The following NTRK2 variants were observed in gnomAD, a reference collection of about 807,000 sequenced individuals.
NTRK2 encodes the protein BDNF/NT-3 growth factors receptor.
A neutral mutation model predicts 94.5 loss-of-function variants in NTRK2; 13 were observed. The observed-to-expected ratio is 0.14, with a 90% CI of 0.09 to 0.22. NTRK2 has a LOEUF of 0.22. Ranked by LOEUF, NTRK2 falls within the 10% of genes least tolerant of loss-of-function variation. The probability of loss-of-function intolerance (pLI) is 1.00; values close to 1 mark genes in which losing one functional copy is unlikely to be tolerated. For missense variants in NTRK2, 639 were observed against 1,071.2 expected (o/e 0.60, Z 5.63); for synonymous variants, 372 against 407.4 (o/e 0.91, Z 1.05).
intron 12 of NTRK2, among the ~76,000 whole-genome samples, chr9:84,756,916 T>C (rs1247665589): frequency 6.6e-4 from 101 of 152,192 alleles, no homozygotes; most frequent in Non-Finnish European, 5.9e-5. Context: ...TGTCTTTCAA[T>C]AGCAACCAAA....
chr9:84,792,029 A>AT (rs1403558069), intron 12 of NTRK2, among the ~76,000 whole-genome samples: 3 of 152,206 alleles, frequency 2.0e-5, no homozygotes, highest in African/African-American at 7.2e-5. Flanking sequence ...CCCAGTTTTC[A>AT]TCATGGAATG....
At chr9:84,741,977 A>G (rs1192829790) in intron 10 of NTRK2, 50 bp downstream of exon 10, 3 of 1,483,684 alleles carry the variant, frequency 2.0e-6, no homozygotes, top group Middle Eastern at 3.8e-4. Flanking sequence ...ATGTTTGTGT[A>G]TCATGAAGTA....
In NTRK2 at chr9:85,024,071, A is replaced by G. The variant is rs1438057621; in HGVS notation, c.*2634A>G. The G allele has an allele frequency of 4.4e-6, 1 of 229,054 alleles. No individual in the cohort carries two copies. Among genetic ancestry groups the G allele is most frequent in the Non-Finnish European group, 8.7e-6 (1 of 115,520 alleles). The allele number at this position is 229,054 out of a possible 1,614,324, so 14.2% of individuals were successfully genotyped here. A position where few individuals can be genotyped will look rare whatever the true frequency, so the allele number is the denominator to read the frequency against. On this transcript the variant is annotated 3_prime_UTR_variant, in exon 19 of 19. Transcript: ENST00000277120. The stretch of plus-strand genomic sequence containing the variant: ...ACAAGTCCCTAAAGGTCTTGAAATA[A>G]AAGGTTCTATGCAAGTGCAAAGTTT...
At chr9:84,836,773 G>T (rs1034732455) in intron 12 of NTRK2, among the ~76,000 whole-genome samples, 6 of 149,404 alleles carry the variant, frequency 4.0e-5, no homozygotes, top group Admixed American at 1.3e-4. Flanking sequence ...ATATTTCTGC[G>T]GTGGCACTGA....
intron 9 of NTRK2, 114 bp from the exon 10 acceptor site, chr9:84,741,778 C>A: frequency 1.2e-6 from 1 of 823,600 alleles, no homozygotes; most frequent in East Asian, 2.6e-5. Context: ...TGAAAGCAGT[C>A]TATTAAATTG....
chr9:84,977,100 C>T (rs1396883101), intron 17 of NTRK2, among the ~76,000 whole-genome samples: 1 of 152,168 alleles, frequency 6.6e-6, no homozygotes, highest in Non-Finnish European at 1.5e-5. Context: ...GGAATAGGCT[C>T]CTGTAAACCC....
chr9:84,721,154 G>T (rs2062034050), intron 6 of NTRK2, among the ~76,000 whole-genome samples: 1 of 151,062 alleles, frequency 6.6e-6, no homozygotes, highest in Admixed American at 6.6e-5. Flanking sequence ...AGTAAGGCTT[G>T]CATACTCATA....
chr9:84,938,793 G>A (rs1230036034), intron 15 of NTRK2, among the ~76,000 whole-genome samples: 1 of 152,118 alleles, frequency 6.6e-6, no homozygotes, highest in Non-Finnish European at 1.5e-5. Context: ...GCTCATGCCT[G>A]TAATCCCTGC....
chr9:84,799,419 A>G (rs575232280), intron 12 of NTRK2, among the ~76,000 whole-genome samples: 43 of 152,336 alleles, frequency 2.8e-4, no homozygotes, highest in African/African-American at 9.1e-4. Flanking sequence ...TAAAAAACAA[A>G]CAAGCAAACA....
At chr9:84,795,752 C>T (rs192891091) in intron 12 of NTRK2, among the ~76,000 whole-genome samples, 9 of 152,248 alleles carry the variant, frequency 5.9e-5, no homozygotes, top group Non-Finnish European at 1.3e-4. Flanking sequence ...TCTCCTCTCC[C>T]GGACCCCAAA....
At chr9:84,901,622 T>C (rs2076932588) in intron 14 of NTRK2, among the ~76,000 whole-genome samples, 1 of 152,184 alleles carries the variant, frequency 6.6e-6, no homozygotes, top group Non-Finnish European at 1.5e-5. Flanking sequence ...CCTCAAGTTA[T>C]TGTGAAGAGC....
intron 12 of NTRK2, among the ~76,000 whole-genome samples, chr9:84,808,095 A>T (rs1016081720): frequency 6.6e-6 from 1 of 152,198 alleles, no homozygotes; most frequent in Admixed American, 6.5e-5. Context: ...ATGGATCACA[A>T]AAGGCAAGCA....
intron 6 of NTRK2, among the ~76,000 whole-genome samples, chr9:84,720,894 ACTC>A (rs2062016660): frequency 6.6e-6 from 1 of 152,076 alleles, no homozygotes; most frequent in Non-Finnish European, 1.5e-5. Flanking sequence ...ATCTAAAAAA[ACTC>A]CTTGCAAATA....
chr9:84,798,515 T>C (rs1297226051), intron 12 of NTRK2, among the ~76,000 whole-genome samples: 1 of 152,200 alleles, frequency 6.6e-6, no homozygotes, highest in East Asian at 1.9e-4. Context: ...TGCCCTTGGC[T>C]GGCCCTGTGC....
chr9:84,998,546 T>C (rs2133383179), intron 17 of NTRK2, among the ~76,000 whole-genome samples: 1 of 152,354 alleles, frequency 6.6e-6, no homozygotes, highest in South Asian at 2.1e-4. Context: ...AAGGCATACA[T>C]GCTTTGCCTC....
At chr9:84,943,003 T>C (rs1310883522) in intron 15 of NTRK2, among the ~76,000 whole-genome samples, 1 of 152,230 alleles carries the variant, frequency 6.6e-6, no homozygotes, top group Non-Finnish European at 1.5e-5. Flanking sequence ...TTGGGAGTTT[T>C]TAAATTTCCC....
chr9:84,907,914 G>A (rs139945124), intron 14 of NTRK2, among the ~76,000 whole-genome samples: 40 of 152,262 alleles, frequency 2.6e-4, no homozygotes, highest in African/African-American at 8.9e-4. Context: ...TGCCTCTTGT[G>A]TTCTCTGTTG....
In NTRK2 at chr9:85,025,070, T is replaced by G; in HGVS notation, c.*3633T>G. ...AATATGCTAAATAACCAAAACTGTT[T>G]AACGTCATGTTGCTGTTAGTGCTTC... On this transcript the variant is annotated 3_prime_UTR_variant, in exon 19 of 19. Coordinates refer to ENST00000277120, the MANE Select transcript of NTRK2 (RefSeq NM_006180.6). The G allele has an allele frequency of 4.3e-6, 1 of 233,164 alleles. No individual in the cohort carries two copies. 14.4% of individuals were successfully genotyped at this position (233,164 alleles called of 1,614,324 possible).
At chr9:84,947,395 T>C (rs1019394022) in intron 15 of NTRK2, among the ~76,000 whole-genome samples, 2 of 152,204 alleles carry the variant, frequency 1.3e-5, no homozygotes. Context: ...ATTCACAGGC[T>C]CCCAGGATTA....
Sources: gnomAD v4.1 joint callset for allele counts (sites outside exome capture counted in the v4.1 genomes callset) on GRCh38, gnomAD v4.1.1 for gene constraint, MANE v1.5 for transcripts, NCBI Gene and HGNC (gene_info 2026-07-23, HGNC 2026-07-21) for gene names.